ADHFE1: variants seen among roughly 807,000 people sequenced by gnomAD.
ADHFE1 encodes hydroxyacid-oxoacid transhydrogenase, mitochondrial.
In ADHFE1, 37 loss-of-function variants were observed where a neutral mutation model predicts 54.8. That is an observed-to-expected ratio of 0.68 (90% CI 0.52 to 0.89). The LOEUF (loss-of-function observed/expected upper bound fraction) is 0.89, where lower values mean the gene tolerates loss of function less well. Ranked by LOEUF, ADHFE1 falls within the 40% of genes least tolerant of loss-of-function variation. The pLI is 0.00. For synonymous variants in ADHFE1, 203 were observed against 229.3 expected (o/e 0.89, Z 1.04); for missense variants, 601 against 591.2 (o/e 1.02, Z -0.17).
At chr8:66,441,739 A>G (rs2130368244) in intron 2 of ADHFE1, among the ~76,000 whole-genome samples, 1 of 152,302 alleles carries the variant, frequency 6.6e-6, no homozygotes, top group East Asian at 1.9e-4. Context: ...GCTCACACCC[A>G]TAATCCTAGG....
chr8:66,457,316 C>CAA (rs34743572), intron 12 of ADHFE1, 150 bp downstream of exon 12: 3,270 of 415,508 alleles, frequency 7.9e-3, no homozygotes, highest in East Asian at 0.015. Context: ...CCATCTCTAC[C>CAA]AAAAAAAAAA....
chr8:66,435,287 TC>T (rs1805403822), intron 1 of ADHFE1, among the ~76,000 whole-genome samples: 1 of 152,134 alleles, frequency 6.6e-6, no homozygotes, highest in Admixed American at 6.5e-5. Flanking sequence ...TCTTAACAGT[TC>T]CAGAGGTCAA....
Position 66,456,862 on chromosome 8 carries a change from AG to A in ADHFE1, c.1033del (p.Ala345GlnfsTer76). 6.3e-7 allele frequency: 1 copy of A among 1,597,776 alleles called. No individual in the cohort carries two copies. Among genetic ancestry groups the A allele is most frequent in the Non-Finnish European group, 8.5e-7 (1 of 1,173,904 alleles). On this transcript the variant is annotated frameshift_variant, in exon 11 of 14. Transcript: ENST00000396623. LOFTEE classifies it high-confidence loss of function. The stretch of plus-strand genomic sequence containing the variant: ...TTTCAGGTTTAGTGAAGATGTATAA[AG>A]CAAAGGATTACAATGTGGATCACCC... ...PISGLVKMYK[A>X]KDYNVDHPLV...
intron 12 of ADHFE1, among the ~76,000 whole-genome samples, chr8:66,458,695 TG>T (rs144039657): frequency 0.065 from 9,932 of 152,130 alleles, 425 homozygotes; most frequent in East Asian, 0.18. Flanking sequence ...CCTTCTTGAA[TG>T]GGAAGTTTTA....
chr8:66,451,316 A>G (rs928959089), intron 8 of ADHFE1, among the ~76,000 whole-genome samples: 1 of 152,222 alleles, frequency 6.6e-6, no homozygotes, highest in South Asian at 2.1e-4. Flanking sequence ...AAGGTATACA[A>G]TGTGCCAGGT....
At chr8:66,464,260 T>C (rs1807053181) in intron 13 of ADHFE1, among the ~76,000 whole-genome samples, 1 of 152,216 alleles carries the variant, frequency 6.6e-6, no homozygotes, top group Non-Finnish European at 1.5e-5. Context: ...CTGATATGTA[T>C]AGGGACATAT....
At chr8:66,450,664 C>T (rs1027445286) in intron 8 of ADHFE1, among the ~76,000 whole-genome samples, 3 of 152,222 alleles carry the variant, frequency 2.0e-5, no homozygotes, top group African/African-American at 7.2e-5. Context: ...TTTCTGTGAG[C>T]TTAGCTCAGT....
chr8:66,466,299 T>C (rs1279047218), intron 13 of ADHFE1, among the ~76,000 whole-genome samples: 2 of 150,452 alleles, frequency 1.3e-5, no homozygotes, highest in Non-Finnish European at 3.0e-5. Flanking sequence ...TTGGCCAGGC[T>C]GGTCTCGAAC....
At chr8:66,445,166 A>C (rs902363012) in intron 5 of ADHFE1, 52 bp from the exon 6 acceptor site, 1 of 1,501,416 alleles carries the variant, frequency 6.7e-7, no homozygotes, top group Non-Finnish European at 8.9e-7. Flanking sequence ...ATGGCATGGC[A>C]ATTTATTTCT....
chr8:66,463,423 C>T (rs540189774), intron 13 of ADHFE1, among the ~76,000 whole-genome samples: 1 of 152,262 alleles, frequency 6.6e-6, no homozygotes, highest in East Asian at 1.9e-4. Context: ...GCATCTGCTG[C>T]CTTTTTTCCT....
intron 1 of ADHFE1, 81 bp downstream of exon 1, chr8:66,432,656 G>C: frequency 8.0e-7 from 1 of 1,242,346 alleles, no homozygotes. Context: ...CAGATCCTGC[G>C]CAGTCTTCTC....
At chr8:66,445,042 A>G (rs1291989107) in intron 5 of ADHFE1, among the ~76,000 whole-genome samples, 176 bp from the exon 6 acceptor site, 1 of 152,116 alleles carries the variant, frequency 6.6e-6, no homozygotes, top group African/African-American at 2.4e-5. Context: ...CATAGGTTGC[A>G]GTGAGCGGAG....
chr8:66,444,724 T>G lies in ADHFE1; in HGVS notation c.329T>G (p.Val110Gly). ...ATCCCCTTTACGGTTTATGATAATG[T>G]GAGAGTGGAACCAACGGATTCAAGG... ...NGIPFTVYDNVRVEPTDSSFM... is the reference protein window; with the variant it reads ...NGIPFTVYDNGRVEPTDSSFM... Residue 110 changes from valine to glycine, a missense_variant, in exon 5 of 14, where the codon GTG (valine) becomes GGG (glycine). Transcript: ENST00000396623. 6.2e-7 allele frequency: 1 copy of G among 1,614,170 alleles called. No homozygotes were observed. The highest frequency in any genetic ancestry group is 8.5e-7 in the Non-Finnish European group (1 of 1,180,040).
Position 66,432,566 on chromosome 8 carries a change from A to G in ADHFE1, c.50A>G (p.Gln17Arg). ...ARVAYLLRQL[Q>R]RAACQCPTHS... ...GTCGCGTACTTGCTGAGGCAACTGC[A>G]ACGCGCAGCGTGAGTGCGGGGCCGG... Residue 17 changes from glutamine (Q) to arginine (R), a missense_variant, in exon 1 of 14, where the codon CAA (glutamine) becomes CGA (arginine). By Grantham distance (43) the Gln-to-Arg change is conservative. Coordinates refer to ENST00000396623, the MANE Select transcript of ADHFE1 (RefSeq NM_144650.3). 7.4e-7 allele frequency: 1 copy of G among 1,346,434 alleles called. No homozygotes were observed. The highest frequency in any genetic ancestry group is 3.2e-5 in the Admixed American group (1 of 31,294). The allele number at this position is 1,346,434 out of a possible 1,614,324, so 83.4% of individuals were successfully genotyped here. A position where few individuals can be genotyped will look rare whatever the true frequency, so the allele number is the denominator to read the frequency against.
At position 66,457,092 on chromosome 8, in the gene ADHFE1, T is replaced by G; in HGVS notation, c.1088T>G (p.Leu363Arg). The change falls in exon 12 of 14, where the codon CTC becomes CGC. Residue 363 changes from leucine (L) to arginine (R), a missense_variant. Transcript: ENST00000396623. ...PLVPHGLSVV[L>R]TSPAVFTFTA... ...CAGCCCCATGGCCTTTCTGTGGTGC[T>G]CACGTCCCCAGCGGTGTTCACTTTC... 1.9e-6 allele frequency: 3 copies of G among 1,613,784 alleles called. No individual in the cohort carries two copies. Among genetic ancestry groups the G allele is most frequent in the Non-Finnish European group, 2.5e-6 (3 of 1,179,788 alleles).
At chr8:66,440,230 A>G in intron 2 of ADHFE1, 31 bp downstream of exon 2, 1 of 1,604,234 alleles carries the variant, frequency 6.2e-7, no homozygotes, top group Non-Finnish European at 8.5e-7. Context: ...AACTAGCCAC[A>G]ATTTTGGTTT....
At chr8:66,445,194 G>C (rs1315379358) in intron 5 of ADHFE1, 24 bp from the exon 6 acceptor site, 2 of 1,574,238 alleles carry the variant, frequency 1.3e-6, no homozygotes, top group Non-Finnish European at 8.6e-7. Flanking sequence ...ATAACATACT[G>C]GTTTTTATTT....
chr8:66,438,153 C>T (rs1001900586), intron 1 of ADHFE1, among the ~76,000 whole-genome samples: 1 of 152,076 alleles, frequency 6.6e-6, no homozygotes, highest in Non-Finnish European at 1.5e-5. Context: ...AAATATGCCC[C>T]GACTACAGTG....
At chr8:66,440,058 G>A (rs1805667603) in intron 1 of ADHFE1, 104 bp from the exon 2 acceptor site, 1 of 1,080,568 alleles carries the variant, frequency 9.3e-7, no homozygotes, top group Non-Finnish European at 1.4e-6. Flanking sequence ...CAATTTGATA[G>A]CATCTTAGCA....
Sources: allele counts gnomAD v4.1 joint callset (sites outside exome capture counted in the v4.1 genomes callset), GRCh38; gene constraint gnomAD v4.1.1; transcripts MANE v1.5; gene names NCBI Gene and HGNC (gene_info 2026-07-23, HGNC 2026-07-21).